Variants in SHOC1 observed in about 807,000 individuals in gnomAD.
The protein encoded by SHOC1 is protein shortage in chiasmata 1 ortholog.
A neutral mutation model predicts 179.2 loss-of-function variants in SHOC1; 136 were observed. That is an observed-to-expected ratio of 0.76 (90% CI 0.66 to 0.87). The LOEUF (loss-of-function observed/expected upper bound fraction) is 0.87, where lower values mean the gene tolerates loss of function less well. Among genes scored for constraint, SHOC1 ranks in the 40% least tolerant of loss-of-function variants. The pLI, the probability that SHOC1 is intolerant of heterozygous loss-of-function variation, is 0.00. For synonymous variants in SHOC1, 489 were observed against 586.6 expected (o/e 0.83, Z 2.41); for missense variants, 1,538 against 1,700.8 (o/e 0.90, Z 1.68).
At chr9:111,781,839 A>G (rs1836070778) in intron 3 of SHOC1, among the ~76,000 whole-genome samples, 1 of 152,174 alleles carries the variant, frequency 6.6e-6, no homozygotes, top group Non-Finnish European at 1.5e-5. Context: ...GTCAGAATAT[A>G]CAACTGAGTA....
intron 18 of SHOC1, among the ~76,000 whole-genome samples, chr9:111,710,448 CTAGTTCTAGTGTGTACTACGTATA>C (rs1832489812): frequency 6.6e-6 from 1 of 152,124 alleles, no homozygotes; most frequent in African/African-American, 2.4e-5. Context: ...GTCTTTTTCA[CTAGTTCTAGTGTGTACTACGTATA>C]TAGAGAGGCA....
rs1835348046 is a variant in SHOC1 at position 111,766,099 on chromosome 9, C to CTA, written c.443-7253_443-7252dup. 2.0e-5 allele frequency among the ~76,000 whole-genome samples: 3 copies of CTA among 152,180 alleles called. No individual in the cohort carries two copies. The South Asian group carries it at 6.2e-4, about 32-fold the overall frequency. ...CCTCTGGTAATCACCATTCTACTCTCTAACTTCATGAGATCCACTTTTTTA... is the reference window on the plus strand; with the variant it reads ...CCTCTGGTAATCACCATTCTACTCTCTATAACTTCATGAGATCCACTTTTTTA... On this transcript the variant is annotated intron_variant, in intron 5 of 27. Coordinates refer to ENST00000682961, the MANE Select transcript of SHOC1 (RefSeq NM_001378211.1).
At chr9:111,723,989 A>C in intron 13 of SHOC1, 78 bp from the exon 14 acceptor site, 2 of 1,073,012 alleles carry the variant, frequency 1.9e-6, no homozygotes, top group South Asian at 1.6e-5. Context: ...TTTTTTTTCT[A>C]AAATATGATC....
At chr9:111,757,713 A>G (rs1834931638) in intron 7 of SHOC1, among the ~76,000 whole-genome samples, 1 of 152,210 alleles carries the variant, frequency 6.6e-6, no homozygotes, top group South Asian at 2.1e-4. Context: ...ATAACTCACA[A>G]ATCAATATTT....
intron 18 of SHOC1, among the ~76,000 whole-genome samples, chr9:111,710,922 G>T (rs960419836): frequency 1.3e-5 from 2 of 152,188 alleles, no homozygotes; most frequent in Admixed American, 6.6e-5. Context: ...AAAAGATGCA[G>T]CTTATAGAGG....
intron 22 of SHOC1, among the ~76,000 whole-genome samples, chr9:111,703,333 C>G (rs1422257051): frequency 6.6e-6 from 1 of 152,088 alleles, no homozygotes; most frequent in East Asian, 1.9e-4. Flanking sequence ...CACTCCCACC[C>G]CAATAAATTA....
intron 20 of SHOC1, among the ~76,000 whole-genome samples, chr9:111,705,899 A>G (rs574883096): frequency 1.8e-4 from 27 of 152,220 alleles, no homozygotes; most frequent in South Asian, 4.1e-4. Context: ...AAGAATAGTT[A>G]CACAAGATCA....
chr9:111,770,681 TTAA>T (rs1222914179), intron 5 of SHOC1, among the ~76,000 whole-genome samples: 3 of 152,136 alleles, frequency 2.0e-5, no homozygotes, highest in Non-Finnish European at 4.4e-5. Context: ...CTTTTAGATA[TTAA>T]TGTTTGCTTT....
intron 5 of SHOC1, among the ~76,000 whole-genome samples, chr9:111,767,474 T>C (rs1835401047): frequency 6.6e-6 from 1 of 152,204 alleles, no homozygotes. Flanking sequence ...CTTGGTGCCT[T>C]TGTCAAAGAT....
intron 5 of SHOC1, among the ~76,000 whole-genome samples, chr9:111,764,876 C>G (rs1280217652): frequency 6.6e-6 from 1 of 152,146 alleles, no homozygotes. Flanking sequence ...CACGGTGGCT[C>G]ACGCCTGTAA....
At chr9:111,731,916 C>G (rs1353843198) in intron 12 of SHOC1, among the ~76,000 whole-genome samples, 1 of 151,708 alleles carries the variant, frequency 6.6e-6, no homozygotes, top group South Asian at 2.1e-4. Flanking sequence ...AAGATTGCCA[C>G]AAAACTTCCA....
chr9:111,693,727 C>T lies in SHOC1; in HGVS notation c.3465+72G>A, dbSNP rs1435784573. On this transcript the variant is annotated intron_variant, in intron 26 of 27. Transcript: ENST00000682961. ...CTTGGATACCTTCATTTTAAAAATC[C>T]TATTGTAAAAATAGATACTCAAATC... 4 of 978,618 alleles carry T rather than the reference C, an allele frequency of 4.1e-6. No individual in the cohort carries two copies. In the African/African-American group the frequency reaches 6.7e-5, roughly 16 times the overall value. The allele number at this position is 978,618 out of a possible 1,614,324, so 60.6% of individuals were successfully genotyped here.
chr9:111,754,049 C>T (rs1465909281), intron 8 of SHOC1, among the ~76,000 whole-genome samples: 1 of 152,066 alleles, frequency 6.6e-6, no homozygotes, highest in African/African-American at 2.4e-5. Context: ...ATATTCTCAT[C>T]ACATACAAAA....
intron 11 of SHOC1, among the ~76,000 whole-genome samples, chr9:111,739,560 T>C (rs1833946804): frequency 6.6e-6 from 1 of 152,164 alleles, no homozygotes; most frequent in South Asian, 2.1e-4. Flanking sequence ...AATTATACCA[T>C]ATGAATTTTT....
chr9:111,720,577 T>C (rs1832988944), intron 15 of SHOC1, among the ~76,000 whole-genome samples: 1 of 152,234 alleles, frequency 6.6e-6, no homozygotes, highest in Non-Finnish European at 1.5e-5. Context: ...TTGAGAATGC[T>C]AATTACAGTA....
At chr9:111,747,484 T>C (rs534942976) in intron 9 of SHOC1, among the ~76,000 whole-genome samples, 4 of 152,358 alleles carry the variant, frequency 2.6e-5, no homozygotes, top group African/African-American at 9.6e-5. Flanking sequence ...TTTTATTTAC[T>C]GAGCTATAAT....
At chr9:111,710,103 A>T (rs1238630776) in intron 18 of SHOC1, among the ~76,000 whole-genome samples, 3 of 152,146 alleles carry the variant, frequency 2.0e-5, no homozygotes, top group African/African-American at 2.4e-5. Flanking sequence ...CTGATTTTTT[A>T]AAAAAATGTT....
intron 5 of SHOC1, among the ~76,000 whole-genome samples, chr9:111,766,453 G>A (rs896088934): frequency 2.6e-5 from 4 of 152,114 alleles, no homozygotes; most frequent in African/African-American, 9.7e-5. Flanking sequence ...TTGCTGAGAA[G>A]TCTCCATACT....
chr9:111,788,064 C>CTTTTT lies in SHOC1; in HGVS notation c.46-2034_46-2030dup, dbSNP rs35764341. 1.2e-4 allele frequency among the ~76,000 whole-genome samples: 15 copies of CTTTTT among 122,730 alleles called. 1 individual carries two copies. The highest frequency in any genetic ancestry group is 7.1e-4 in the East Asian group (3 of 4,218). The allele number at this position is 122,730 out of a possible 152,430, so 80.5% of individuals were successfully genotyped here. ...GGACTATAGTATAGCATAAACATAA[C>CTTTTT]TTTTTTTTTTTTTTTTTTTGAGACA... is the stretch of plus-strand genomic sequence containing the variant. On this transcript the variant is annotated intron_variant, in intron 2 of 27. Coordinates refer to ENST00000682961, the MANE Select transcript of SHOC1 (RefSeq NM_001378211.1).
Sources: gnomAD v4.1 joint callset for allele counts (sites outside exome capture counted in the v4.1 genomes callset) on GRCh38, gnomAD v4.1.1 for gene constraint, MANE v1.5 for transcripts, NCBI Gene and HGNC (gene_info 2026-07-23, HGNC 2026-07-21) for gene names.